Variants in COMMD10 observed in about 807,000 individuals in gnomAD.
COMMD10 encodes COMM domain containing 10.
A neutral mutation model predicts 28.9 loss-of-function variants in COMMD10; 33 were observed. That is an observed-to-expected ratio of 1.14 (90% confidence interval 0.87 to 1.53). COMMD10 has a LOEUF of 1.53. Ranked by LOEUF, COMMD10 falls within the 40% of genes most tolerant of loss-of-function variation. The probability of loss-of-function intolerance (pLI) is 0.00; values close to 1 mark genes in which losing one functional copy is unlikely to be tolerated. For missense variants in COMMD10, 310 were observed against 233.4 expected (o/e 1.33, Z -2.14); for synonymous variants, 110 against 81.7 (o/e 1.35, Z -1.87).
intron 4 of COMMD10, among the ~76,000 whole-genome samples, chr5:116,112,458 G>A (rs553162568): frequency 2.0e-5 from 3 of 151,724 alleles, no homozygotes; most frequent in Non-Finnish European, 4.4e-5. Flanking sequence ...GTGCAGTGGC[G>A]GGATCTCAGC....
At chr5:116,237,703 G>A (rs1040275709) in intron 5 of COMMD10, among the ~76,000 whole-genome samples, 1 of 152,078 alleles carries the variant, frequency 6.6e-6, no homozygotes, top group African/African-American at 2.4e-5. Context: ...TTTCACATGA[G>A]CAGGTATTAT....
At chr5:116,256,069 C>G (rs12520632) in intron 5 of COMMD10, among the ~76,000 whole-genome samples, 1 of 151,528 alleles carries the variant, frequency 6.6e-6, no homozygotes, top group African/African-American at 2.4e-5. Flanking sequence ...AAATTACCTT[C>G]TATAAAAAGT....
At chr5:116,160,637 T>C (rs1257348673) in intron 5 of COMMD10, among the ~76,000 whole-genome samples, 1 of 152,226 alleles carries the variant, frequency 6.6e-6, no homozygotes. Context: ...TACAAAGTAA[T>C]GCCTGTATTG....
chr5:116,180,311 A>G (rs1476055317), intron 5 of COMMD10, among the ~76,000 whole-genome samples: 1 of 152,142 alleles, frequency 6.6e-6, no homozygotes, highest in Non-Finnish European at 1.5e-5. Flanking sequence ...CTAAATTTGT[A>G]ATTGTCACTG....
At chr5:116,211,267 A>T (rs1748955866) in intron 5 of COMMD10, among the ~76,000 whole-genome samples, 1 of 152,124 alleles carries the variant, frequency 6.6e-6, no homozygotes, top group South Asian at 2.1e-4. Context: ...CCCTGTGCAA[A>T]CATCATAGAG....
chr5:116,123,732 T>C (rs1751520911), intron 4 of COMMD10, among the ~76,000 whole-genome samples: 1 of 152,174 alleles, frequency 6.6e-6, no homozygotes, highest in Non-Finnish European at 1.5e-5. Context: ...TATTAATTAT[T>C]TCCTTAATTT....
At chr5:116,164,582 C>G (rs960855845) in intron 5 of COMMD10, among the ~76,000 whole-genome samples, 6 of 152,128 alleles carry the variant, frequency 3.9e-5, no homozygotes, top group African/African-American at 1.4e-4. Context: ...TAGTAACTGT[C>G]TATTTTCAGT....
In COMMD10 at chr5:116,204,017, A is replaced by G. The variant is rs58871501; in HGVS notation, c.510+69839A>G. On this transcript the variant is annotated intron_variant, in intron 5 of 6. Coordinates refer to ENST00000274458, the MANE Select transcript of COMMD10 (RefSeq NM_016144.4). ...ACCCATCTCACGTGCAGAGACACAC[A>G]TAGGCTCAAAATAAAAGGATGGAGG... is the stretch of plus-strand genomic sequence containing the variant. 2.1e-3 allele frequency among the ~76,000 whole-genome samples: 320 copies of G among 152,218 alleles called. 3 individuals carry two copies. The highest frequency in any genetic ancestry group is 7.3e-3 in the African/African-American group (301 of 41,492).
rs1218012569 is a variant in COMMD10 at position 116,118,838 on chromosome 5, T to C, written c.400-15230T>C. 2.6e-5 allele frequency among the ~76,000 whole-genome samples: 4 copies of C among 152,336 alleles called. No individual in the cohort carries two copies. The East Asian group carries it at 7.7e-4, about 29-fold the overall frequency. On this transcript the variant is annotated intron_variant, in intron 4 of 6. Transcript: ENST00000274458. Reference sequence around the variant, plus strand: ...TCTAAGAGACCCTTAATCAGTCTTATTTGAAACAGAATGTATTTCTCCACT... The same window carrying C: ...TCTAAGAGACCCTTAATCAGTCTTACTTGAAACAGAATGTATTTCTCCACT...
intron 4 of COMMD10, among the ~76,000 whole-genome samples, chr5:116,123,180 C>T (rs1368837606): frequency 6.6e-6 from 1 of 151,954 alleles, no homozygotes; most frequent in East Asian, 1.9e-4. Context: ...CCATCAATAC[C>T]TAGTTTATTC....
At chr5:116,263,836 C>T (rs960213449) in intron 5 of COMMD10, among the ~76,000 whole-genome samples, 2 of 151,718 alleles carry the variant, frequency 1.3e-5, no homozygotes, top group Non-Finnish European at 2.9e-5. Flanking sequence ...TCTCATGCCT[C>T]CCTAAAAATA....
At chr5:116,106,624 TC>T (rs1750847565) in intron 4 of COMMD10, among the ~76,000 whole-genome samples, 1 of 152,166 alleles carries the variant, frequency 6.6e-6, no homozygotes, top group Non-Finnish European at 1.5e-5. Context: ...AGTCTAAGTC[TC>T]TTTGTAGGTC....
intron 5 of COMMD10, among the ~76,000 whole-genome samples, chr5:116,141,040 C>T (rs907427557): frequency 1.1e-4 from 16 of 151,726 alleles, no homozygotes; most frequent in African/African-American, 2.7e-4. Context: ...TCTGTGCTTT[C>T]TTCTAGGAGT....
chr5:116,280,859 A>T (rs1751050644), intron 5 of COMMD10, among the ~76,000 whole-genome samples: 1 of 151,886 alleles, frequency 6.6e-6, no homozygotes, highest in African/African-American at 2.4e-5. Flanking sequence ...ATGGTGCCTA[A>T]TGAGTTTTGT....
chr5:116,124,088 A>G (rs995672770), intron 4 of COMMD10, among the ~76,000 whole-genome samples: 2 of 151,714 alleles, frequency 1.3e-5, no homozygotes, highest in South Asian at 4.1e-4. Flanking sequence ...CTCTGATCTT[A>G]GTTATTTCTT....
rs186663294 is a variant in COMMD10 at position 116,249,071 on chromosome 5, T to A, written c.511-42446T>A. On this transcript the variant is annotated intron_variant, in intron 5 of 6. Coordinates refer to ENST00000274458, the MANE Select transcript of COMMD10 (RefSeq NM_016144.4). ...TATTGTTTTTAGTGAAAGAAAAATA[T>A]ATTCACATCAGAGCATGGTTACCAT... 2.6e-5 allele frequency among the ~76,000 whole-genome samples: 4 copies of A among 152,116 alleles called. No homozygotes were observed. In the East Asian group the frequency reaches 7.7e-4, roughly 29 times the overall value.
intron 5 of COMMD10, among the ~76,000 whole-genome samples, chr5:116,275,957 T>G (rs1243946823): frequency 6.7e-6 from 1 of 148,590 alleles, no homozygotes; most frequent in Admixed American, 6.7e-5. Context: ...GAAAAAAAAA[T>G]GTATATATAT....
intron 5 of COMMD10, among the ~76,000 whole-genome samples, chr5:116,185,214 A>G (rs575289084): frequency 8.5e-4 from 123 of 145,240 alleles, no homozygotes; most frequent in African/African-American, 3.2e-3. Flanking sequence ...GTATGTCTTA[A>G]GAAAGCATAG....
rs192634275 is a variant in COMMD10, at chr5:116,094,879, G to A, written c.399+2179G>A. Reference sequence around the variant, plus strand: ...AATGTTGTTTGCAGCAACATGGATAGAACTAGAGGTCTTTATGTTACGTGA... The same window carrying A: ...AATGTTGTTTGCAGCAACATGGATAAAACTAGAGGTCTTTATGTTACGTGA... On this transcript the variant is annotated intron_variant, in intron 4 of 6. Transcript: ENST00000274458. Among the ~76,000 whole-genome samples, 7 of 152,238 alleles carry A rather than the reference G, an allele frequency of 4.6e-5. No homozygotes were observed. The East Asian group carries it at 1.4e-3, about 29-fold the overall frequency.
Sources: allele counts gnomAD v4.1 joint callset (sites outside exome capture counted in the v4.1 genomes callset), GRCh38; gene constraint gnomAD v4.1.1; transcripts MANE v1.5; gene names NCBI Gene and HGNC (gene_info 2026-07-23, HGNC 2026-07-21).